Variants in ABLIM2 observed in about 807,000 individuals in gnomAD.
ABLIM2 encodes actin binding LIM protein family member 2, also known as actin-binding LIM protein 2.
Under a neutral mutation model 97.7 loss-of-function variants are expected in ABLIM2, and 53 were observed. That is an observed-to-expected ratio of 0.54 (90% confidence interval 0.44 to 0.68). The LOEUF is 0.68. Ranked by LOEUF, ABLIM2 falls within the 30% of genes least tolerant of loss-of-function variation. The pLI is 0.00. For missense variants in ABLIM2, 835 were observed against 867.2 expected (o/e 0.96, Z 0.47); for synonymous variants, 361 against 345.8 (o/e 1.04, Z -0.49).
Position 7,974,694 on chromosome 4 carries a change from C to T in ABLIM2, c.1825-7591G>A, listed in dbSNP as rs1348711186. On this transcript the variant is annotated intron_variant, in intron 20 of 20. Transcript: ENST00000447017. ...CCACCCATCCATCCACCAACCCATC[C>T]ATCCACCCACCCATGCATCTATCCA... 2.6e-5 allele frequency among the ~76,000 whole-genome samples: 4 copies of T among 151,760 alleles called. No homozygotes were observed. The East Asian group carries it at 7.8e-4, about 29-fold the overall frequency.
intron 2 of ABLIM2, among the ~76,000 whole-genome samples, chr4:8,101,136 A>G (rs540818493): frequency 1.3e-5 from 2 of 152,356 alleles, no homozygotes; most frequent in East Asian, 3.9e-4. Context: ...ACATCAAAAC[A>G]CAAGAAAACA....
chr4:7,980,149 C>A (rs553181382), intron 20 of ABLIM2, among the ~76,000 whole-genome samples: 2 of 152,142 alleles, frequency 1.3e-5, no homozygotes, highest in Non-Finnish European at 2.9e-5. Context: ...TGAACCCCCC[C>A]TCTCTGCCAA....
rs1346398492 is a variant in ABLIM2, at chr4:7,965,708, C to T, written c.*1282G>A. The T allele has an allele frequency of 2.6e-5, 4 of 152,234 alleles. No individual in the cohort carries two copies. Among genetic ancestry groups the T allele is most frequent in the Non-Finnish European group, 5.9e-5 (4 of 68,064 alleles). The allele number at this position is 152,234 out of a possible 1,614,324, so 9.4% of individuals were successfully genotyped here. On this transcript the variant is annotated 3_prime_UTR_variant, in exon 21 of 21. Transcript: ENST00000447017. ...ACACACCTAATGACAGACACCAACGCCTTCGCTTGGGGAGCCCGGCCAGCC... is the reference window on the plus strand; with the variant it reads ...ACACACCTAATGACAGACACCAACGTCTTCGCTTGGGGAGCCCGGCCAGCC...
At chr4:8,133,900 C>T (rs928507714) in intron 1 of ABLIM2, among the ~76,000 whole-genome samples, 3 of 152,164 alleles carry the variant, frequency 2.0e-5, no homozygotes, top group Non-Finnish European at 2.9e-5. Context: ...CCAGTGCATT[C>T]GTCCATGGGG....
intron 1 of ABLIM2, among the ~76,000 whole-genome samples, chr4:8,135,948 C>T (rs1237068258): frequency 1.3e-5 from 2 of 152,204 alleles, no homozygotes; most frequent in Non-Finnish European, 2.9e-5. Flanking sequence ...GCTCTGAGGT[C>T]ACCTGCCACG....
In ABLIM2 at chr4:7,996,018, A is replaced by C. The variant is rs1753066326; in HGVS notation, c.1619-3091T>G. On this transcript the variant is annotated intron_variant, in intron 16 of 20. Transcript: ENST00000447017. This position sits in a 1 kb window ranked among gnomAD's most constrained non-coding sequence, Gnocchi z 4.5. ...CTGCCTTGCAGTCCTGGGGTCCTCC[A>C]GGAGACACCTTCCTCCTCCTTCATG... Among the ~76,000 whole-genome samples the C allele has an allele frequency of 1.1e-4, 17 of 152,266 alleles. 1 individual carries two copies. In the South Asian group the frequency reaches 3.5e-3, roughly 32 times the overall value.
intron 20 of ABLIM2, among the ~76,000 whole-genome samples, chr4:7,980,938 C>CTTTTTTTTTTTTTT (rs1255215577): frequency 5.2e-5 from 2 of 38,490 alleles, no homozygotes; most frequent in African/African-American, 1.1e-4. Context: ...TCCACAACCC[C>CTTTTTTTTTTTTTT]TTATTTTTTT....
rs925999460 is a variant in ABLIM2 at position 8,126,641 on chromosome 4, C to T, written c.11-20004G>A. ...CAGGGAACTGCGGCATTCATGCTGT[C>T]CCCCGAGCAGGACACCGGGCCAGGC... On this transcript the variant is annotated intron_variant, in intron 1 of 20. Coordinates refer to ENST00000447017, the MANE Select transcript of ABLIM2 (RefSeq NM_001130083.2). Among the ~76,000 whole-genome samples the T allele has an allele frequency of 2.0e-5, 3 of 152,170 alleles. 1 individual carries two copies. The highest frequency in any genetic ancestry group is 2.1e-4 in the South Asian group (1 of 4,822).
At chr4:8,094,477 C>T (rs552404712) in intron 3 of ABLIM2, among the ~76,000 whole-genome samples, 15 of 152,288 alleles carry the variant, frequency 9.8e-5, no homozygotes, top group Admixed American at 8.5e-4. Context: ...ATGAGAAGGT[C>T]GTGATCGATC....
At chr4:8,153,818 G>A (rs1025293873) in intron 1 of ABLIM2, among the ~76,000 whole-genome samples, 7 of 152,296 alleles carry the variant, frequency 4.6e-5, no homozygotes, top group East Asian at 1.9e-4. Flanking sequence ...TGCAGAAGAC[G>A]GAAAACTTTG....
At chr4:8,008,831 C>T (rs946438578) in intron 15 of ABLIM2, among the ~76,000 whole-genome samples, 3 of 152,168 alleles carry the variant, frequency 2.0e-5, no homozygotes, top group African/African-American at 7.2e-5. Context: ...GAACCATAAC[C>T]AAGTCACACG....
At chr4:8,007,621 C>G in intron 16 of ABLIM2, 1 of 991,888 alleles carries the variant, frequency 1.0e-6, no homozygotes, top group Non-Finnish European at 1.2e-6. Flanking sequence ...TGAGGCTGTG[C>G]CTCGTTCAGG....
intron 14 of ABLIM2, chr4:8,010,536 T>A (rs746754771): frequency 3.0e-6 from 3 of 985,742 alleles, no homozygotes; most frequent in Non-Finnish European, 3.6e-6. Flanking sequence ...AAATTTGGGA[T>A]TGGGCTACAG....
At chr4:8,056,934 A>G (rs1224970708) in intron 7 of ABLIM2, among the ~76,000 whole-genome samples, 1 of 76,150 alleles carries the variant, frequency 1.3e-5, no homozygotes, top group Non-Finnish European at 3.1e-5. Context: ...TCCGTCTCAA[A>G]AAAAAAAAAA....
intron 16 of ABLIM2, among the ~76,000 whole-genome samples, chr4:7,995,439 G>T (rs575788334): frequency 3.9e-5 from 6 of 152,358 alleles, no homozygotes; most frequent in Middle Eastern, 6.8e-3. Flanking sequence ...GGCAAGGCAG[G>T]TTCTGTGCAC....
At chr4:7,968,187 C>G (rs1042464870) in intron 20 of ABLIM2, among the ~76,000 whole-genome samples, 2 of 152,238 alleles carry the variant, frequency 1.3e-5, no homozygotes, top group Admixed American at 1.3e-4. Flanking sequence ...AGGCCAGTGA[C>G]AGGAAGAGGC....
At chr4:8,027,663 C>T (rs983143305) in intron 12 of ABLIM2, 96 bp downstream of exon 12, 3 of 980,976 alleles carry the variant, frequency 3.1e-6, no homozygotes, top group Admixed American at 7.2e-5. Flanking sequence ...AACAGGGGCT[C>T]CGGTGAAGCC....
intron 1 of ABLIM2, among the ~76,000 whole-genome samples, chr4:8,119,202 G>A (rs1844152755): frequency 1.3e-5 from 2 of 152,154 alleles, no homozygotes; most frequent in African/African-American, 2.4e-5. Flanking sequence ...TGGGGCTGAA[G>A]AGAGCCCCAA....
At chr4:8,031,323 T>A (rs1017858897) in intron 10 of ABLIM2, among the ~76,000 whole-genome samples, 56 of 150,300 alleles carry the variant, frequency 3.7e-4, no homozygotes, top group Admixed American at 3.6e-3. Context: ...AGGAGTGTGC[T>A]CTGTGTCAGG....
Sources: allele counts gnomAD v4.1 joint callset (sites outside exome capture counted in the v4.1 genomes callset), GRCh38; gene constraint gnomAD v4.1.1; non-coding constraint Gnocchi (gnomAD v3.1); transcripts MANE v1.5; gene names NCBI Gene and HGNC (gene_info 2026-07-23, HGNC 2026-07-21).